Variants in LAMA4 observed in about 807,000 individuals in gnomAD.
The protein encoded by LAMA4 is laminin subunit alpha-4.
Under a neutral mutation model 207.1 loss-of-function variants are expected in LAMA4, and 127 were observed. That is an observed-to-expected ratio of 0.61 (90% CI 0.53 to 0.71). LAMA4 has a LOEUF of 0.71. Among genes scored for constraint, LAMA4 ranks in the 30% least tolerant of loss-of-function variants. The pLI is 0.00. For missense variants in LAMA4, 2,093 were observed against 2,246.5 expected, an observed-to-expected ratio of 0.93 and a Z score of 1.38; for synonymous variants, 761 against 816.0, an observed-to-expected ratio of 0.93 and a Z score of 1.15.
At chr6:112,192,079 C>T (rs1214033054) in intron 5 of LAMA4, among the ~76,000 whole-genome samples, 1 of 152,192 alleles carries the variant, frequency 6.6e-6, no homozygotes, top group South Asian at 2.1e-4. Context: ...CCATTCAGTT[C>T]AGCCAGGCTT....
intron 5 of LAMA4, among the ~76,000 whole-genome samples, chr6:112,200,977 C>A (rs998032684): frequency 6.6e-6 from 1 of 151,342 alleles, no homozygotes; most frequent in Non-Finnish European, 1.5e-5. Flanking sequence ...CACGTGTATA[C>A]CTATGTAAGA....
At position 112,234,310 on chromosome 6, in the gene LAMA4, C is replaced by A. The variant is rs1466527901; in HGVS notation, c.196-17841G>T. 3 of 152,020 alleles carry A rather than the reference C, an allele frequency of 2.0e-5. No homozygotes were observed. The East Asian group carries it at 5.8e-4, about 29-fold the overall frequency. 9.4% of individuals were successfully genotyped at this position (152,020 alleles called of 1,614,324 possible). ...ACCTATCAAGAATGAAAACAAGAAC[C>A]TGGTGCACCTGGTTTTTCAATACTC... On this transcript the variant is annotated intron_variant, in intron 2 of 38. Transcript: ENST00000230538.
At chr6:112,113,795 AT>A (rs1401056793) in intron 38 of LAMA4, among the ~76,000 whole-genome samples, 6 of 152,172 alleles carry the variant, frequency 3.9e-5, no homozygotes, top group Non-Finnish European at 8.8e-5. Flanking sequence ...AAATAAGAGT[AT>A]GTGTGTCACT....
intron 2 of LAMA4, among the ~76,000 whole-genome samples, chr6:112,220,462 G>A (rs1300371965): frequency 2.0e-5 from 3 of 152,104 alleles, no homozygotes; most frequent in Non-Finnish European, 2.9e-5. Context: ...AACTTTATGA[G>A]GAAATGAGTG....
In LAMA4 at chr6:112,191,762, T is replaced by G; in HGVS notation, c.592A>C (p.Ile198Leu). 6.2e-7 allele frequency: 1 copy of G among 1,614,138 alleles called. No individual in the cohort carries two copies. The highest frequency in any genetic ancestry group is 8.5e-7 in the Non-Finnish European group (1 of 1,179,974). The change falls in exon 6 of 39, where the codon ATC becomes CTC. Residue 198 changes from isoleucine to leucine, a missense_variant. Transcript: ENST00000230538. ...GTGACTTCATCACAATCTTCAAAGATCAGGTTGGGATCTGAATTTCCACTG... is the reference window on the plus strand; with the variant it reads ...GTGACTTCATCACAATCTTCAAAGAGCAGGTTGGGATCTGAATTTCCACTG... ...DCSGNSDPNL[I>L]FEDCDEVTGQ...
intron 31 of LAMA4, among the ~76,000 whole-genome samples, chr6:112,123,980 G>C (rs980406687): frequency 2.0e-5 from 3 of 152,172 alleles, no homozygotes; most frequent in African/African-American, 4.8e-5. Flanking sequence ...GGGCAGAATG[G>C]GCTGGAGTAG....
At chr6:112,197,315 G>T (rs920340105) in intron 5 of LAMA4, among the ~76,000 whole-genome samples, 1 of 152,144 alleles carries the variant, frequency 6.6e-6, no homozygotes, top group Non-Finnish European at 1.5e-5. Context: ...CAATATTCAT[G>T]GACCTAATTG....
chr6:112,138,760 A>T (rs534912526), intron 24 of LAMA4, among the ~76,000 whole-genome samples: 19 of 152,190 alleles, frequency 1.2e-4, no homozygotes, highest in Non-Finnish European at 2.1e-4. Flanking sequence ...ACACACATAC[A>T]TATATACAAA....
At position 112,146,086 on chromosome 6, in the gene LAMA4, T is replaced by A. The variant is rs186164367; in HGVS notation, c.2354-1153A>T. 3.3e-5 allele frequency among the ~76,000 whole-genome samples: 5 copies of A among 151,694 alleles called. No individual in the cohort carries two copies. In the East Asian group the frequency reaches 9.7e-4, roughly 29 times the overall value. On this transcript the variant is annotated intron_variant, in intron 18 of 38. Coordinates refer to ENST00000230538, the MANE Select transcript of LAMA4 (RefSeq NM_001105206.3). ...TGGTGGATCACCTGAGGTCAGGAGG[T>A]TGAGACCAGCCTGGCCAACATGGCA...
intron 2 of LAMA4, among the ~76,000 whole-genome samples, chr6:112,225,345 A>C (rs1213699291): frequency 3.3e-5 from 5 of 152,240 alleles, no homozygotes; most frequent in Admixed American, 1.3e-4. Flanking sequence ...GTTAAAGATA[A>C]AGAATATATA....
At chr6:112,150,453 G>A (rs1457134266) in intron 17 of LAMA4, 58 bp downstream of exon 17, 5 of 1,039,810 alleles carry the variant, frequency 4.8e-6, no homozygotes, top group Admixed American at 1.7e-5. Context: ...TTCCTTGAAG[G>A]TTTACCTTAC....
chr6:112,224,739 C>A (rs949064496), intron 2 of LAMA4, among the ~76,000 whole-genome samples: 4 of 150,618 alleles, frequency 2.7e-5, no homozygotes, highest in Non-Finnish European at 5.9e-5. Flanking sequence ...TCACTTGAAT[C>A]CGGGAGGCGG....
At chr6:112,223,336 G>A (rs1482804439) in intron 2 of LAMA4, among the ~76,000 whole-genome samples, 1 of 152,188 alleles carries the variant, frequency 6.6e-6, no homozygotes, top group Admixed American at 6.5e-5. Flanking sequence ...AGGCATTTAG[G>A]GGATTTTGAT....
chr6:112,120,024 G>T (rs1487694455), intron 33 of LAMA4, among the ~76,000 whole-genome samples: 1 of 152,168 alleles, frequency 6.6e-6, no homozygotes, highest in Non-Finnish European at 1.5e-5. Flanking sequence ...AAATAAGTGA[G>T]AAATCATTAA....
chr6:112,223,042 T>G (rs1402215036), intron 2 of LAMA4, among the ~76,000 whole-genome samples: 2 of 152,196 alleles, frequency 1.3e-5, no homozygotes, highest in African/African-American at 4.8e-5. Flanking sequence ...TTCCTTTGGT[T>G]TTTCTAGAAA....
At chr6:112,189,953 A>G (rs189102253) in intron 6 of LAMA4, among the ~76,000 whole-genome samples, 1 of 152,184 alleles carries the variant, frequency 6.6e-6, no homozygotes, top group Non-Finnish European at 1.5e-5. Context: ...TTAAAGAGGA[A>G]TTCTCTTACC....
At chr6:112,141,738 C>T (rs1779709252) in intron 20 of LAMA4, among the ~76,000 whole-genome samples, 1 of 152,128 alleles carries the variant, frequency 6.6e-6, no homozygotes, top group East Asian at 1.9e-4. Flanking sequence ...TTGTTGGCTG[C>T]CAGGAATGGG....
At chr6:112,166,879 G>C (rs781920423) in intron 12 of LAMA4, among the ~76,000 whole-genome samples, 10 of 152,112 alleles carry the variant, frequency 6.6e-5, no homozygotes, top group African/African-American at 1.2e-4. Flanking sequence ...AATAGAAAAA[G>C]TTCCACGGTC....
chr6:112,185,977 T>TG (rs545140841), intron 8 of LAMA4, among the ~76,000 whole-genome samples: 56 of 152,318 alleles, frequency 3.7e-4, no homozygotes, highest in Admixed American at 1.2e-3. Context: ...GTGACTCCCC[T>TG]GGGGGGTAGT....
Sources: gnomAD v4.1 joint callset for allele counts (sites outside exome capture counted in the v4.1 genomes callset) on GRCh38, gnomAD v4.1.1 for gene constraint, MANE v1.5 for transcripts, NCBI Gene and HGNC (gene_info 2026-07-23, HGNC 2026-07-21) for gene names.